NMNAT3: variants seen among roughly 807,000 people sequenced by gnomAD.
NMNAT3 encodes the protein nicotinamide/nicotinic acid mononucleotide adenylyltransferase 3.
In NMNAT3, 21 loss-of-function variants were observed where a neutral mutation model predicts 24.8. The ratio of observed to expected loss-of-function variants is 0.85; its 90% CI spans 0.60 to 1.22. The LOEUF (loss-of-function observed/expected upper bound fraction) is 1.22, where lower values mean the gene tolerates loss of function less well. Among genes scored for constraint, NMNAT3 ranks in the 50% most tolerant of loss-of-function variants. The probability of loss-of-function intolerance (pLI) is 0.00; values close to 1 mark genes in which losing one functional copy is unlikely to be tolerated. For missense variants in NMNAT3, 387 were observed against 436.6 expected (o/e 0.89, Z 1.01); for synonymous variants, 136 against 155.2 (o/e 0.88, Z 0.92).
chr3:139,673,549 C>A (rs1274708225), intron 1 of NMNAT3, among the ~76,000 whole-genome samples: 1 of 152,142 alleles, frequency 6.6e-6, no homozygotes, highest in Non-Finnish European at 1.5e-5. Context: ...TATAGTGATA[C>A]TGACTATATT....
chr3:139,575,868 C>T (rs546238730), intron 5 of NMNAT3: 1 of 1,251,968 alleles, frequency 8.0e-7, no homozygotes, highest in African/African-American at 1.6e-5. Flanking sequence ...ATCATGTTCC[C>T]AGCCTGCAGA....
intron 3 of NMNAT3, among the ~76,000 whole-genome samples, chr3:139,617,717 T>G (rs2055575565): frequency 6.6e-6 from 1 of 152,232 alleles, no homozygotes; most frequent in African/African-American, 2.4e-5. Context: ...TTATATTGAT[T>G]AGAAGTAACT....
intron 1 of NMNAT3, among the ~76,000 whole-genome samples, chr3:139,664,991 A>C (rs2057530707): frequency 6.6e-6 from 1 of 152,214 alleles, no homozygotes; most frequent in Non-Finnish European, 1.5e-5. Flanking sequence ...CTGGATTTTT[A>C]TCAGGACAGC....
chr3:139,612,811 G>A (rs2055291328), intron 3 of NMNAT3, among the ~76,000 whole-genome samples: 1 of 152,104 alleles, frequency 6.6e-6, no homozygotes, highest in Admixed American at 6.5e-5. Context: ...ACAGAACAGA[G>A]CCCTCAGAAA....
chr3:139,614,516 T>C (rs376677418), intron 3 of NMNAT3, among the ~76,000 whole-genome samples: 1 of 152,200 alleles, frequency 6.6e-6, no homozygotes, highest in East Asian at 1.9e-4. Flanking sequence ...CTGGAATAGC[T>C]CTTTAGTTTG....
At chr3:139,665,472 G>A (rs2057546783) in intron 1 of NMNAT3, among the ~76,000 whole-genome samples, 2 of 152,122 alleles carry the variant, frequency 1.3e-5, no homozygotes, top group South Asian at 4.1e-4. Context: ...TAGGAGCCAT[G>A]GTCTGATGAA....
intron 6 of NMNAT3, among the ~76,000 whole-genome samples, chr3:139,572,466 A>C (rs1174352700): frequency 6.6e-6 from 1 of 152,172 alleles, no homozygotes; most frequent in Admixed American, 6.5e-5. Flanking sequence ...CTGTAAAGCA[A>C]ATCCTCAGAG....
Position 139,609,253 on chromosome 3 carries a change from T to A in NMNAT3, c.109+18363A>T, listed in dbSNP as rs150035685. Among the ~76,000 whole-genome samples the A allele has an allele frequency of 4.3e-3, 659 of 152,346 alleles. 1 individual carries two copies. The highest frequency in any genetic ancestry group is 6.4e-3 in the Non-Finnish European group (432 of 68,026). ...TTCATTTCTCTGGGATAAATGCCTG[T>A]GAGTGCAACTGCTGGGTCATATGGC... On this transcript the variant is annotated intron_variant, in intron 3 of 6. Coordinates refer to ENST00000643695, the MANE Select transcript of NMNAT3 (RefSeq NM_001320510.2).
intron 3 of NMNAT3, among the ~76,000 whole-genome samples, chr3:139,602,783 A>G (rs553689984): frequency 4.2e-4 from 64 of 152,340 alleles, no homozygotes; most frequent in African/African-American, 1.5e-3. Context: ...GGTTTCTTAG[A>G]TTGTAAATGT....
At position 139,599,473 on chromosome 3, in the gene NMNAT3, G is replaced by A. The variant is rs747482822; in HGVS notation, c.110-16265C>T. On this transcript the variant is annotated intron_variant, in intron 3 of 6. Coordinates refer to ENST00000643695, the MANE Select transcript of NMNAT3 (RefSeq NM_001320510.2). Reference sequence around the variant, plus strand: ...AAGGCCTTGAAAGACAAAAATCTAAGAGATCAGGAGCAACTGTCACAAGTG... The same window carrying A: ...AAGGCCTTGAAAGACAAAAATCTAAAAGATCAGGAGCAACTGTCACAAGTG... The A allele has an allele frequency of 4.3e-6, 3 of 695,084 alleles. No individual in the cohort carries two copies. In the South Asian group the frequency reaches 4.6e-5, roughly 11 times the overall value. 43.1% of individuals were successfully genotyped at this position (695,084 alleles called of 1,614,324 possible). A position where few individuals can be genotyped will look rare whatever the true frequency, so the allele number is the denominator to read the frequency against.
intron 6 of NMNAT3, among the ~76,000 whole-genome samples, chr3:139,573,066 G>A (rs1044258205): frequency 1.7e-4 from 26 of 152,142 alleles, no homozygotes; most frequent in African/African-American, 4.8e-4. Context: ...AGGTTTTCTC[G>A]AACACCAGGA....
intron 1 of NMNAT3, among the ~76,000 whole-genome samples, chr3:139,639,716 G>A (rs772106850): frequency 1.2e-4 from 18 of 152,194 alleles, no homozygotes; most frequent in South Asian, 2.1e-4. Context: ...TTTTGTCTCC[G>A]AGGGAGAAGT....
intron 1 of NMNAT3, among the ~76,000 whole-genome samples, chr3:139,655,285 T>C (rs74962706): frequency 0.011 from 1,692 of 152,264 alleles, 32 homozygotes; most frequent in African/African-American, 0.039. Context: ...GGTAAGCCTC[T>C]GCGTGGTTTT....
At chr3:139,596,535 G>C (rs1276083590) in intron 3 of NMNAT3, among the ~76,000 whole-genome samples, 1 of 151,840 alleles carries the variant, frequency 6.6e-6, no homozygotes, top group Non-Finnish European at 1.5e-5. Flanking sequence ...TTTATATAGA[G>C]TCATGTTCCA....
At chr3:139,671,627 C>T (rs1032267991) in intron 1 of NMNAT3, among the ~76,000 whole-genome samples, 5 of 152,012 alleles carry the variant, frequency 3.3e-5, no homozygotes, top group African/African-American at 4.8e-5. Context: ...CTCACACACA[C>T]ACACACACAA....
At chr3:139,642,498 T>A (rs1426156032) in intron 1 of NMNAT3, among the ~76,000 whole-genome samples, 2 of 152,190 alleles carry the variant, frequency 1.3e-5, no homozygotes, top group African/African-American at 2.4e-5. Flanking sequence ...TAGGAAAGGA[T>A]GATATGTTGA....
At chr3:139,652,361 C>T (rs1445827950) in intron 1 of NMNAT3, among the ~76,000 whole-genome samples, 1 of 152,198 alleles carries the variant, frequency 6.6e-6, no homozygotes, top group Non-Finnish European at 1.5e-5. Context: ...TATTTCCAAC[C>T]ATTTAAGGGG....
intron 4 of NMNAT3, among the ~76,000 whole-genome samples, chr3:139,580,834 C>T (rs752960567): frequency 2.6e-5 from 4 of 151,634 alleles, no homozygotes; most frequent in Non-Finnish European, 4.4e-5. Context: ...TGGCAATCAC[C>T]GCTTTAATCA....
intron 1 of NMNAT3, among the ~76,000 whole-genome samples, chr3:139,676,394 G>T (rs2057931303): frequency 6.6e-6 from 1 of 152,224 alleles, no homozygotes; most frequent in African/African-American, 2.4e-5. Flanking sequence ...CAGCATAGTT[G>T]CTGCTTCTGG....
Sources: gnomAD v4.1 joint callset for allele counts (sites outside exome capture counted in the v4.1 genomes callset) on GRCh38, gnomAD v4.1.1 for gene constraint, MANE v1.5 for transcripts, NCBI Gene and HGNC (gene_info 2026-07-23, HGNC 2026-07-21) for gene names.